LRRIQ3: variants seen among roughly 807,000 people sequenced by gnomAD.
LRRIQ3 encodes leucine-rich repeat and IQ domain-containing protein 3.
A neutral mutation model predicts 59.3 loss-of-function variants in LRRIQ3; 75 were observed. That is an observed-to-expected ratio of 1.26 (90% CI 1.05 to 1.53). LRRIQ3 has a LOEUF of 1.53. LRRIQ3 is among the 40% of genes most tolerant of loss of function. The probability of loss-of-function intolerance (pLI) is 0.00; values close to 1 mark genes in which losing one functional copy is unlikely to be tolerated. For synonymous variants in LRRIQ3, 250 were observed against 231.3 expected, an observed-to-expected ratio of 1.08 and a Z score of -0.73; for missense variants, 831 against 710.0, an observed-to-expected ratio of 1.17 and a Z score of -1.94.
At chr1:74,036,356 C>T (rs1334318825) in intron 7 of LRRIQ3, among the ~76,000 whole-genome samples, 2 of 152,128 alleles carry the variant, frequency 1.3e-5, no homozygotes, top group Non-Finnish European at 2.9e-5. Context: ...TACCCCTCAT[C>T]CCCAGTTTAT....
chr1:74,187,637 C>T (rs1650489557), intron 1 of LRRIQ3, among the ~76,000 whole-genome samples: 1 of 152,078 alleles, frequency 6.6e-6, no homozygotes, highest in South Asian at 2.1e-4. Flanking sequence ...GGGTACAGTG[C>T]ACACTGCTTG....
In LRRIQ3 at chr1:74,028,405, G is replaced by T. The variant is rs546938215; in HGVS notation, c.1719-1436C>A. On this transcript the variant is annotated intron_variant, in intron 7 of 7. Coordinates refer to ENST00000354431, the MANE Select transcript of LRRIQ3 (RefSeq NM_001105659.2). ...CATAGGGTTAGTAAAGGACTAAGTG[G>T]GTTGATACATTAAAAATTCTTAGGT... Among the ~76,000 whole-genome samples the T allele has an allele frequency of 1.9e-4, 29 of 152,040 alleles. No individual in the cohort carries two copies. In the East Asian group the frequency reaches 5.4e-3, roughly 28 times the overall value.
chr1:74,042,453 A>T (rs113376837), intron 6 of LRRIQ3, among the ~76,000 whole-genome samples: 2,346 of 152,182 alleles, frequency 0.015, 47 homozygotes, highest in African/African-American at 0.053. Flanking sequence ...TAATCATATC[A>T]GTTGGTGGCC....
intron 3 of LRRIQ3, among the ~76,000 whole-genome samples, chr1:74,166,584 G>A (rs954122549): frequency 3.3e-5 from 5 of 151,714 alleles, no homozygotes; most frequent in African/African-American, 1.2e-4. Context: ...CTGGCTTTGG[G>A]TTAATTTTGC....
chr1:74,178,226 C>T (rs995795535), intron 3 of LRRIQ3, among the ~76,000 whole-genome samples: 2 of 151,880 alleles, frequency 1.3e-5, no homozygotes, highest in Admixed American at 1.3e-4. Flanking sequence ...TCAGTTTTTA[C>T]ATTCATTTAT....
intron 7 of LRRIQ3, among the ~76,000 whole-genome samples, chr1:74,027,688 G>A (rs571684407): frequency 1.3e-5 from 2 of 152,176 alleles, no homozygotes; most frequent in African/African-American, 4.8e-5. Context: ...CCAAACCGGG[G>A]AAATGTCACA....
intron 5 of LRRIQ3, among the ~76,000 whole-genome samples, chr1:74,090,097 G>C (rs1006385095): frequency 6.6e-6 from 1 of 151,972 alleles, no homozygotes; most frequent in African/African-American, 2.4e-5. Context: ...TGTTTTTACT[G>C]TTTGATAAAA....
chr1:74,069,001 G>C lies in LRRIQ3; in HGVS notation c.997+5660C>G, dbSNP rs187748439. 3.5e-3 allele frequency among the ~76,000 whole-genome samples: 538 copies of C among 152,130 alleles called. 5 individuals are homozygous for C. The highest frequency in any genetic ancestry group is 0.012 in the African/African-American group (496 of 41,556). On this transcript the variant is annotated intron_variant, in intron 6 of 7. Coordinates refer to ENST00000354431, the MANE Select transcript of LRRIQ3 (RefSeq NM_001105659.2). ...TTCGTTTCAGATATAAGTGGATTTG[G>C]AGCAAGACAAAGTATATAATGAAGG...
chr1:74,069,361 A>C (rs1019574165), intron 6 of LRRIQ3, among the ~76,000 whole-genome samples: 1 of 152,004 alleles, frequency 6.6e-6, no homozygotes, highest in African/African-American at 2.4e-5. Context: ...TAAATCAAGA[A>C]ATTTGTATGT....
chr1:74,120,445 T>G (rs1367426946), intron 4 of LRRIQ3, among the ~76,000 whole-genome samples: 2 of 152,020 alleles, frequency 1.3e-5, no homozygotes, highest in Non-Finnish European at 2.9e-5. Flanking sequence ...TTTTCCGGTT[T>G]TATTAACAAG....
In LRRIQ3 at chr1:74,155,749, C is replaced by T. The variant is rs761633637; in HGVS notation, c.691G>A (p.Val231Ile). The T allele has an allele frequency of 3.2e-6, 5 of 1,569,182 alleles. No individual in the cohort carries two copies. The Admixed American group carries it at 1.1e-4, about 33-fold the overall frequency. Reference protein sequence around the residue: ...IVQRWIRGFLVRKNLSPVFFH... With the variant: ...IVQRWIRGFLIRKNLSPVFFH... ...AAAACATACCTCAAATTTTTTCTAA[C>T]TAAGAAACCACGTATCCATCTTTGA... The change falls in exon 4 of 8, where the codon GTT (valine) becomes ATT (isoleucine). Residue 231 changes from valine to isoleucine, a missense_variant. Physicochemically the swap from Val to Ile is conservative, Grantham distance 29. Coordinates refer to ENST00000354431, the MANE Select transcript of LRRIQ3 (RefSeq NM_001105659.2).
intron 3 of LRRIQ3, among the ~76,000 whole-genome samples, chr1:74,159,868 G>C (rs1008012354): frequency 1.3e-5 from 2 of 151,838 alleles, no homozygotes; most frequent in Admixed American, 6.6e-5. Flanking sequence ...ACGATTCTTC[G>C]TCGTGTCAAC....
chr1:74,184,734 G>A (rs1196704534), intron 1 of LRRIQ3, among the ~76,000 whole-genome samples: 5 of 152,100 alleles, frequency 3.3e-5, no homozygotes, highest in South Asian at 2.1e-4. Context: ...AATGTTAACA[G>A]GTGATCGACG....
At chr1:74,159,217 C>T (rs1648521532) in intron 3 of LRRIQ3, among the ~76,000 whole-genome samples, 1 of 152,136 alleles carries the variant, frequency 6.6e-6, no homozygotes, top group African/African-American at 2.4e-5. Context: ...GTTCCTTTCC[C>T]TCACGTGCAA....
chr1:74,138,723 T>A (rs948647889), intron 4 of LRRIQ3, among the ~76,000 whole-genome samples: 2 of 152,120 alleles, frequency 1.3e-5, no homozygotes, highest in South Asian at 2.1e-4. Flanking sequence ...TTTTTCATTT[T>A]AAAGATGATC....
chr1:74,178,864 T>A lies in LRRIQ3; in HGVS notation c.573+3674A>T, dbSNP rs1649801023. On this transcript the variant is annotated intron_variant, in intron 3 of 7. Transcript: ENST00000354431. ...GGCATGTGATTTTTGTTCTCATCAATCCCTTTTTTCTGCCCTAAGCACATT... is the reference window on the plus strand; with the variant it reads ...GGCATGTGATTTTTGTTCTCATCAAACCCTTTTTTCTGCCCTAAGCACATT... Among the ~76,000 whole-genome samples, 5 of 152,202 alleles carry A rather than the reference T, an allele frequency of 3.3e-5. No individual in the cohort carries two copies. In the South Asian group the frequency reaches 8.3e-4, roughly 25 times the overall value.
chr1:74,155,684 C>A (rs1233427241), intron 4 of LRRIQ3, 49 bp downstream of exon 4: 2 of 1,478,728 alleles, frequency 1.4e-6, no homozygotes, highest in Admixed American at 2.5e-5. Context: ...TCATTTATTT[C>A]TTCACCTTCT....
chr1:74,162,474 C>T (rs980009776), intron 3 of LRRIQ3, among the ~76,000 whole-genome samples: 13 of 151,664 alleles, frequency 8.6e-5, no homozygotes, highest in African/African-American at 2.7e-4. Context: ...TGAAATGAAA[C>T]GGGCTATTAC....
At chr1:74,090,725 G>C (rs1361622284) in intron 5 of LRRIQ3, among the ~76,000 whole-genome samples, 1 of 151,442 alleles carries the variant, frequency 6.6e-6, no homozygotes, top group African/African-American at 2.4e-5. Flanking sequence ...TAAAAAAAAA[G>C]TATAATAATA....
Sources: allele counts gnomAD v4.1 joint callset (sites outside exome capture counted in the v4.1 genomes callset), GRCh38; gene constraint gnomAD v4.1.1; transcripts MANE v1.5; gene names NCBI Gene and HGNC (gene_info 2026-07-23, HGNC 2026-07-21).